The following SARS1 variants were observed in gnomAD, a reference collection of about 807,000 sequenced individuals.
SARS1 encodes seryl-tRNA synthetase 1.
Under a neutral mutation model 63.7 loss-of-function variants are expected in SARS1, and 25 were observed. That is an observed-to-expected ratio of 0.39 (90% CI 0.29 to 0.55). The LOEUF is 0.55. Among genes scored for constraint, SARS1 ranks in the 20% least tolerant of loss-of-function variants. The probability of loss-of-function intolerance (pLI) is 0.62; values close to 1 mark genes in which losing one functional copy is unlikely to be tolerated. For synonymous variants in SARS1, 231 were observed against 243.5 expected (o/e 0.95, Z 0.48); for missense variants, 417 against 649.7 (o/e 0.64, Z 3.89).
At position 109,235,921 on chromosome 1, in the gene SARS1, C is replaced by T; in HGVS notation, c.970-56C>T. ...TTCATGGCAAGGATGTCTCCCACTTCAGTCCTTTATTCACCCTATACCGCT... is the reference window on the plus strand; with the variant it reads ...TTCATGGCAAGGATGTCTCCCACTTTAGTCCTTTATTCACCCTATACCGCT... On this transcript the variant is annotated intron_variant, in intron 7 of 10. Coordinates refer to ENST00000234677, the MANE Select transcript of SARS1 (RefSeq NM_006513.4). This position sits in a 1 kb window ranked among gnomAD's most constrained non-coding sequence, Gnocchi z 4.7. 1 of 1,500,906 alleles carries T rather than the reference C, an allele frequency of 6.7e-7. No homozygotes were observed. 93.0% of individuals were successfully genotyped at this position (1,500,906 alleles called of 1,614,324 possible). A position where few individuals can be genotyped will look rare whatever the true frequency, so the allele number is the denominator to read the frequency against.
chr1:109,217,812 G>A (rs750111394), intron 1 of SARS1, among the ~76,000 whole-genome samples: 44 of 151,980 alleles, frequency 2.9e-4, no homozygotes, highest in Non-Finnish European at 5.4e-4. Flanking sequence ...CTCCCACTTC[G>A]ACCTCCCACA....
At chr1:109,231,809 C>A in intron 6 of SARS1, 23 bp downstream of exon 6, 1 of 1,482,508 alleles carries the variant, frequency 6.7e-7, no homozygotes, top group Non-Finnish European at 9.0e-7. Context: ...GGTCAGGTGA[C>A]AGAATGACTT....
chr1:109,216,395 T>C, intron 1 of SARS1: 1 of 985,382 alleles, frequency 1.0e-6, no homozygotes, highest in Non-Finnish European at 1.2e-6. Flanking sequence ...TAATACCACA[T>C]TGGAACTCAC....
At chr1:109,228,548 G>C in intron 3 of SARS1, 116 bp downstream of exon 3, 1 of 695,662 alleles carries the variant, frequency 1.4e-6, no homozygotes, top group Non-Finnish European at 2.5e-6. Context: ...TTTCATTTCT[G>C]CTGCTGGGAA....
In SARS1 at chr1:109,237,946, C is replaced by T; in HGVS notation, c.*58C>T. The T allele has an allele frequency of 2.5e-6, 4 of 1,588,182 alleles. No individual in the cohort carries two copies. Among genetic ancestry groups the T allele is most frequent in the Non-Finnish European group, 3.4e-6 (4 of 1,163,946 alleles). ...TTTCTGTCTGCTGAGATCTCAGAGC[C>T]TGCCCAACAGCAGGGAAGCCAAGCA... On this transcript the variant is annotated 3_prime_UTR_variant, in exon 11 of 11. Coordinates refer to ENST00000234677, the MANE Select transcript of SARS1 (RefSeq NM_006513.4). This position sits in a 1 kb window ranked among gnomAD's most constrained non-coding sequence, Gnocchi z 4.1.
chr1:109,226,935 A>T (rs900998006), intron 2 of SARS1, among the ~76,000 whole-genome samples: 1 of 150,434 alleles, frequency 6.6e-6, no homozygotes. Context: ...ATTCTTATGC[A>T]AGTTTTGTTG....
chr1:109,220,559 G>C (rs767632898), intron 1 of SARS1, among the ~76,000 whole-genome samples: 1 of 152,084 alleles, frequency 6.6e-6, no homozygotes, highest in Non-Finnish European at 1.5e-5. Flanking sequence ...ATTTTTATTT[G>C]TCCTTTTCTT....
chr1:109,229,292 T>C, intron 3 of SARS1, 122 bp from the exon 4 acceptor site: 1 of 991,754 alleles, frequency 1.0e-6, no homozygotes, highest in Non-Finnish European at 1.5e-6. Context: ...TCGTTTCCAG[T>C]TTTTAAAATG....
rs1458229704 is a variant in SARS1, at chr1:109,231,078, TA to T, written c.591+58del. On this transcript the variant is annotated intron_variant, in intron 5 of 10. Coordinates refer to ENST00000234677, the MANE Select transcript of SARS1 (RefSeq NM_006513.4). ...ATGAAAAAGAAACAAAATATATATA[TA>T]TATATTTTTTTTTTTTTTTGTAGAG... 4.2e-6 allele frequency: 4 copies of T among 956,702 alleles called. No homozygotes were observed. In the African/African-American group the frequency reaches 6.2e-5, roughly 15 times the overall value. 59.3% of individuals were successfully genotyped at this position (956,702 alleles called of 1,614,324 possible). A position where few individuals can be genotyped will look rare whatever the true frequency, so the allele number is the denominator to read the frequency against.
chr1:109,226,677 A>AAAAAAAATATAT (rs1178056468), intron 2 of SARS1, among the ~76,000 whole-genome samples: 1 of 44,978 alleles, frequency 2.2e-5, no homozygotes, highest in African/African-American at 8.3e-5. Context: ...AAAAAAAAAA[A>AAAAAAAATATAT]ATATATATAT....
Position 109,237,073 on chromosome 1 carries a change from A to G in SARS1, c.1258-171A>G, listed in dbSNP as rs1197471149. On this transcript the variant is annotated intron_variant, in intron 9 of 10. Coordinates refer to ENST00000234677, the MANE Select transcript of SARS1 (RefSeq NM_006513.4). The surrounding 1 kb of genome is among the most constrained non-coding windows in gnomAD (Gnocchi z 4.1). ...TCTTTCTGCAGTTATCTAATAGGCA[A>G]TAAATACCAAATAATTCAAATTTAG... The G allele has an allele frequency of 7.4e-6, 9 of 1,223,080 alleles. No individual in the cohort carries two copies. Among genetic ancestry groups the G allele is most frequent in the Non-Finnish European group, 1.0e-5 (9 of 896,636 alleles). The allele number at this position is 1,223,080 out of a possible 1,614,324, so 75.8% of individuals were successfully genotyped here. A position where few individuals can be genotyped will look rare whatever the true frequency, so the allele number is the denominator to read the frequency against.
intron 5 of SARS1, 66 bp downstream of exon 5, chr1:109,231,087 T>A (rs539258220): frequency 0.02 from 17,579 of 880,302 alleles, 118 homozygotes; most frequent in South Asian, 0.042. Flanking sequence ...ATATATATTT[T>A]TTTTTTTTTT....
chr1:109,222,870 C>T (rs1024869433), intron 1 of SARS1, among the ~76,000 whole-genome samples: 1 of 152,116 alleles, frequency 6.6e-6, no homozygotes, highest in African/African-American at 2.4e-5. Flanking sequence ...AAAAAATTAG[C>T]TGGGTGTGGT....
At position 109,214,610 on chromosome 1, in the gene SARS1, C is replaced by T. The variant is rs985726210; in HGVS notation, c.136+482C>T. ...CACAGTAGATTCATTCCTTCGGTAT[C>T]GGAAGCATTTCGGGGCGTTGGAGGC... On this transcript the variant is annotated intron_variant, in intron 1 of 10. Transcript: ENST00000234677. The surrounding 1 kb of genome is among the most constrained non-coding windows in gnomAD (Gnocchi z 4.6). The T allele has an allele frequency of 2.0e-6, 2 of 985,736 alleles. No homozygotes were observed. Among genetic ancestry groups the T allele is most frequent in the Admixed American group, 6.1e-5 (1 of 16,288 alleles). 61.1% of individuals were successfully genotyped at this position (985,736 alleles called of 1,614,324 possible).
chr1:109,220,370 T>TG, intron 1 of SARS1, among the ~76,000 whole-genome samples: 1 of 152,264 alleles, frequency 6.6e-6, no homozygotes, highest in Non-Finnish European at 1.5e-5. Context: ...TTGGCATTCT[T>TG]GCCAGTACTT....
chr1:109,233,515 A>G (rs1655248862), intron 6 of SARS1, among the ~76,000 whole-genome samples: 1 of 151,308 alleles, frequency 6.6e-6, no homozygotes, highest in South Asian at 2.1e-4. Context: ...ATGCTGCTAC[A>G]TAACAAAATT....
chr1:109,234,942 G>T (rs1037383743), intron 6 of SARS1, among the ~76,000 whole-genome samples: 2 of 152,132 alleles, frequency 1.3e-5, no homozygotes, highest in African/African-American at 4.8e-5. Context: ...CTCCAGTCTG[G>T]GCAGCAGAGT....
At chr1:109,231,094 T>C in intron 5 of SARS1, 73 bp downstream of exon 5, 4 of 982,812 alleles carry the variant, frequency 4.1e-6, no homozygotes, top group Non-Finnish European at 5.2e-6. Context: ...TTTTTTTTTT[T>C]TTTTGTAGAG....
At position 109,229,463 on chromosome 1, in the gene SARS1, C is replaced by G. The variant is rs1472705384; in HGVS notation, c.338C>G (p.Ala113Gly). 3.7e-6 allele frequency: 6 copies of G among 1,614,050 alleles called. No homozygotes were observed. The highest frequency in any genetic ancestry group is 2.5e-6 in the Non-Finnish European group (3 of 1,180,028). The part of the protein sequence containing the change: ...IKKVRLLIDE[A>G]ILKCDAERIK... The stretch of plus-strand genomic sequence containing the variant: ...AAAGTCCGACTCCTCATTGATGAAG[C>G]CATCCTGAAGTGTGACGCGGAGCGG... The change falls in exon 4 of 11, where the codon GCC becomes GGC. Residue 113 changes from alanine to glycine, a missense_variant. Physicochemically the swap from Ala to Gly is moderately conservative, Grantham distance 60. Around this residue, in one of 3 missense-constraint regions of SARS1, gnomAD observed 359 missense variants for 529.6 expected, o/e 0.68. Transcript: ENST00000234677.
Sources: allele counts gnomAD v4.1 joint callset (sites outside exome capture counted in the v4.1 genomes callset), GRCh38; gene constraint gnomAD v4.1.1; regional missense constraint gnomAD v4.1.1; non-coding constraint Gnocchi (gnomAD v3.1); transcripts MANE v1.5; gene names NCBI Gene and HGNC (gene_info 2026-07-23, HGNC 2026-07-21).